The following NIBAN2 variants were observed in gnomAD, a reference collection of about 807,000 sequenced individuals.
NIBAN2 encodes the protein niban apoptosis regulator 2.
Under a neutral mutation model 81.8 loss-of-function variants are expected in NIBAN2, and 36 were observed. The observed-to-expected ratio is 0.44, with a 90% CI of 0.34 to 0.58. The LOEUF is 0.58. NIBAN2 is among the 20% of genes least tolerant of loss of function. The pLI, the probability that NIBAN2 is intolerant of heterozygous loss-of-function variation, is 0.02. For missense variants in NIBAN2, 897 were observed against 1,014.1 expected, an observed-to-expected ratio of 0.88 and a Z score of 1.57; for synonymous variants, 445 against 441.6, an observed-to-expected ratio of 1.01 and a Z score of -0.10.
chr9:127,527,424 G>A, intron 2 of NIBAN2, 102 bp from the exon 3 acceptor site: 2 of 1,145,780 alleles, frequency 1.7e-6, no homozygotes, highest in Non-Finnish European at 2.6e-6. Context: ...CGCACCCCCT[G>A]CCTAGCATGT....
rs973571897 is a variant in NIBAN2 at position 127,507,880 on chromosome 9, C to T, written c.1641G>A (p.Lys547=). 9 of 1,614,030 alleles carry T rather than the reference C, an allele frequency of 5.6e-6. No individual in the cohort carries two copies. Among genetic ancestry groups the T allele is most frequent in the Non-Finnish European group, 7.6e-6 (9 of 1,180,010 alleles). ...GACGGCACCCACCCTGCAGGATGTC[C>T]TTCATGACGGTCTGCAGCACCACCT... ...YEEVVLQTVM[K]DILQAVKEAA... Residue 547 remains lysine (K), a synonymous_variant, in exon 13 of 14, where the codon AAG becomes AAA. Transcript: ENST00000373312. This position sits in a 1 kb window ranked among gnomAD's most constrained non-coding sequence, Gnocchi z 6.8.
At chr9:127,561,391 CACAATCATA>C (rs1837771835) in intron 1 of NIBAN2, 1 of 614,422 alleles carries the variant, frequency 1.6e-6, no homozygotes, top group Non-Finnish European at 2.0e-6. Flanking sequence ...TCAATAAAGT[CACAATCATA>C]ACAGCTACCA....
intron 5 of NIBAN2, among the ~76,000 whole-genome samples, chr9:127,523,168 T>TAAAAAAAAA (rs1564301216): frequency 1.1e-4 from 2 of 19,010 alleles, no homozygotes; most frequent in East Asian, 1.6e-3. Context: ...GTTGGTGGTT[T>TAAAAAAAAA]TAAAAAAAAA....
chr9:127,536,906 G>A lies in NIBAN2; in HGVS notation c.56-5128C>T, dbSNP rs1172473422. On this transcript the variant is annotated intron_variant, in intron 1 of 13. Transcript: ENST00000373312. The surrounding 1 kb of genome is among the most constrained non-coding windows in gnomAD (Gnocchi z 4.0). ...TCTACAGAGGCAGGGCTGGCCCGCAGGTCCTGGGCCCAGGAACTGGGGGGC... is the reference window on the plus strand; with the variant it reads ...TCTACAGAGGCAGGGCTGGCCCGCAAGTCCTGGGCCCAGGAACTGGGGGGC... Among the ~76,000 whole-genome samples the A allele has an allele frequency of 4.6e-5, 7 of 152,236 alleles. No individual in the cohort carries two copies. The highest frequency in any genetic ancestry group is 1.7e-4 in the African/African-American group (7 of 41,462).
intron 1 of NIBAN2, among the ~76,000 whole-genome samples, chr9:127,578,190 CAAA>C (rs35548393): frequency 2.7e-5 from 3 of 110,162 alleles, no homozygotes. Context: ...GACTCCATCT[CAAA>C]AAAAAAAAAA....
chr9:127,547,842 A>G (rs1837501654), intron 1 of NIBAN2, among the ~76,000 whole-genome samples: 2 of 152,198 alleles, frequency 1.3e-5, no homozygotes. Flanking sequence ...CACCTCAAAA[A>G]CAAAAAAACA....
intron 3 of NIBAN2, among the ~76,000 whole-genome samples, chr9:127,525,603 C>T (rs781714931): frequency 6.6e-6 from 1 of 152,174 alleles, no homozygotes; most frequent in Non-Finnish European, 1.5e-5. Context: ...AAGGACTCAG[C>T]GAGCTTGGCC....
intron 4 of NIBAN2, among the ~76,000 whole-genome samples, chr9:127,524,438 G>A (rs1837021633): frequency 1.3e-5 from 2 of 152,190 alleles, no homozygotes; most frequent in Admixed American, 1.3e-4. Context: ...GCCCCTCCAG[G>A]GTCCACACAA....
Position 127,563,592 on chromosome 9 carries a change from G to A in NIBAN2, c.55+5228C>T, listed in dbSNP as rs942354038. ...GGCTGGAGTGCAATGGTGCGATCTC[G>A]TCTCACTGCAACCTCCACCTCCCGG... On this transcript the variant is annotated intron_variant, in intron 1 of 13. Coordinates refer to ENST00000373312, the MANE Select transcript of NIBAN2 (RefSeq NM_022833.4). This position sits in a 1 kb window ranked among gnomAD's most constrained non-coding sequence, Gnocchi z 4.1. Among the ~76,000 whole-genome samples the A allele has an allele frequency of 1.2e-4, 18 of 151,492 alleles. No homozygotes were observed. The highest frequency in any genetic ancestry group is 2.1e-4 in the South Asian group (1 of 4,806).
intron 1 of NIBAN2, among the ~76,000 whole-genome samples, chr9:127,567,221 G>A (rs1837873666): frequency 6.6e-6 from 1 of 151,926 alleles, no homozygotes; most frequent in Non-Finnish European, 1.5e-5. Flanking sequence ...CCCACCGAAT[G>A]CAAGGCACAC....
chr9:127,573,947 C>T (rs151024505), upstream of NIBAN2, among the ~76,000 whole-genome samples: 17 of 152,286 alleles, frequency 1.1e-4, no homozygotes, highest in African/African-American at 3.9e-4. Context: ...TATGAGCCAC[C>T]GTACCCAGCC....
intron 1 of NIBAN2, among the ~76,000 whole-genome samples, chr9:127,552,692 T>TG (rs1431774847): frequency 2.1e-5 from 3 of 140,678 alleles, no homozygotes; most frequent in Non-Finnish European, 3.1e-5. Context: ...TCGTTTTTTT[T>TG]TTTTTTTTTT....
upstream of NIBAN2, among the ~76,000 whole-genome samples, chr9:127,569,525 AT>A (rs914832837): frequency 7.3e-5 from 11 of 151,604 alleles, no homozygotes; most frequent in Admixed American, 2.6e-4. Context: ...CGGGAAAAGA[AT>A]CGCGCCGAGG....
chr9:127,518,037 A>C, intron 5 of NIBAN2, 96 bp from the exon 6 acceptor site: 6 of 690,746 alleles, frequency 8.7e-6, no homozygotes, highest in Admixed American at 2.9e-5. Flanking sequence ...CCCCACACAC[A>C]TGGCATGCAC....
chr9:127,527,134 G>A (rs1173681815), intron 3 of NIBAN2, 60 bp downstream of exon 3: 3 of 1,595,046 alleles, frequency 1.9e-6, no homozygotes, highest in Non-Finnish European at 8.5e-7. Flanking sequence ...CGAGTTGGGG[G>A]AGGGGGCACA....
intron 1 of NIBAN2, among the ~76,000 whole-genome samples, chr9:127,551,320 C>T (rs1285572309): frequency 6.6e-6 from 1 of 152,024 alleles, no homozygotes; most frequent in East Asian, 1.9e-4. Flanking sequence ...ATCAGGAGTT[C>T]AAGACCGGCC....
intron 9 of NIBAN2, chr9:127,509,899 C>T (rs2132153315): frequency 6.8e-6 from 2 of 294,628 alleles, no homozygotes; most frequent in East Asian, 1.1e-4. Flanking sequence ...TATTTTAGCA[C>T]CACTCTTGGT....
chr9:127,506,824 A>C lies in NIBAN2; in HGVS notation c.*21T>G. 1 of 1,574,790 alleles carries C rather than the reference A, an allele frequency of 6.4e-7. No homozygotes were observed. The highest frequency in any genetic ancestry group is 8.6e-7 in the Non-Finnish European group (1 of 1,157,998). On this transcript the variant is annotated 3_prime_UTR_variant, in exon 14 of 14. Coordinates refer to ENST00000373312, the MANE Select transcript of NIBAN2 (RefSeq NM_022833.4). ...GAAGGGAACGGCCTGTGCCATGTGC[A>C]GCAGTCAGGGACCCACTGGCCTAGA...
intron 1 of NIBAN2, among the ~76,000 whole-genome samples, chr9:127,560,651 C>T (rs1053759337): frequency 6.6e-6 from 1 of 152,220 alleles, no homozygotes; most frequent in Non-Finnish European, 1.5e-5. Context: ...AGGAAGCACA[C>T]ACAGGCAGAC....
Sources: allele counts gnomAD v4.1 joint callset (sites outside exome capture counted in the v4.1 genomes callset), GRCh38; gene constraint gnomAD v4.1.1; non-coding constraint Gnocchi (gnomAD v3.1); transcripts MANE v1.5; gene names NCBI Gene and HGNC (gene_info 2026-07-23, HGNC 2026-07-21).